The following NDST3 variants were observed in gnomAD, a reference collection of about 807,000 sequenced individuals.
The protein encoded by NDST3 is bifunctional heparan sulfate N-deacetylase/N-sulfotransferase 3.
A neutral mutation model predicts 96.1 loss-of-function variants in NDST3; 58 were observed. That is an observed-to-expected ratio of 0.60 (90% CI 0.49 to 0.75). The LOEUF is 0.75. Ranked by LOEUF, NDST3 falls within the 30% of genes least tolerant of loss-of-function variation. The pLI is 0.00. For synonymous variants in NDST3, 333 were observed against 359.7 expected, an observed-to-expected ratio of 0.93 and a Z score of 0.84; for missense variants, 788 against 1,034.2, an observed-to-expected ratio of 0.76 and a Z score of 3.27.
chr4:118,048,357 G>T (rs1349146016), intron 1 of NDST3, among the ~76,000 whole-genome samples: 4 of 151,834 alleles, frequency 2.6e-5, no homozygotes, highest in Admixed American at 6.6e-5. Flanking sequence ...ATGATGACAG[G>T]ACCAAAATCT....
At chr4:118,233,645 C>T (rs1031010593) in intron 9 of NDST3, among the ~76,000 whole-genome samples, 2 of 152,070 alleles carry the variant, frequency 1.3e-5, no homozygotes, top group African/African-American at 4.8e-5. Flanking sequence ...TTAATTCTTG[C>T]CTTTGAATCA....
intron 7 of NDST3, 100 bp from the exon 8 acceptor site, chr4:118,226,786 G>A (rs955569602): frequency 4.7e-5 from 37 of 787,904 alleles, no homozygotes; most frequent in African/African-American, 3.7e-4. Context: ...TTATCCCAGC[G>A]TTTCCTGGTA....
chr4:118,134,028 C>G (rs2125893532), intron 4 of NDST3, among the ~76,000 whole-genome samples: 1 of 152,330 alleles, frequency 6.6e-6, no homozygotes, highest in East Asian at 1.9e-4. Flanking sequence ...AGGAAAGCTA[C>G]TAAGAGAAGT....
At position 118,143,658 on chromosome 4, in the gene NDST3, C is replaced by G; in HGVS notation, c.1513C>G (p.Leu505Val). ...ELDKSIQGGE[L>V]FFTVVLNPIS... The stretch of plus-strand genomic sequence containing the variant: ...GGATAAGAGTATCCAAGGAGGAGAA[C>G]TTTTCTTCACTGTCGTCCTCAACCC... Residue 505 changes from leucine (L) to valine (V), a missense_variant, in exon 6 of 14, where the codon CTT (leucine) becomes GTT (valine). Coordinates refer to ENST00000296499, the MANE Select transcript of NDST3 (RefSeq NM_004784.3). The G allele has an allele frequency of 6.2e-7, 1 of 1,604,042 alleles. No homozygotes were observed. The highest frequency in any genetic ancestry group is 2.2e-5 in the East Asian group (1 of 44,642).
intron 4 of NDST3, among the ~76,000 whole-genome samples, chr4:118,135,381 C>T (rs1732991346): frequency 6.6e-6 from 1 of 151,940 alleles, no homozygotes; most frequent in African/African-American, 2.4e-5. Flanking sequence ...AATAAGTGGC[C>T]CAGTAGTTTC....
At chr4:118,217,157 G>A (rs1211769269) in intron 6 of NDST3, among the ~76,000 whole-genome samples, 3 of 152,198 alleles carry the variant, frequency 2.0e-5, no homozygotes, top group African/African-American at 7.2e-5. Context: ...AGCAAAGTGA[G>A]GCAGCGTATT....
chr4:118,180,462 T>C (rs1736539621), intron 6 of NDST3, among the ~76,000 whole-genome samples: 1 of 152,206 alleles, frequency 6.6e-6, no homozygotes, highest in Admixed American at 6.6e-5. Flanking sequence ...CTGTGTAATA[T>C]TCTGTGGTGT....
chr4:118,050,063 G>A (rs147666624), intron 1 of NDST3, among the ~76,000 whole-genome samples: 7 of 152,180 alleles, frequency 4.6e-5, no homozygotes, highest in East Asian at 3.9e-4. Flanking sequence ...TTTCTAGGAC[G>A]CAAGGCTATT....
chr4:118,217,374 G>A (rs926658666), intron 6 of NDST3, among the ~76,000 whole-genome samples: 7 of 152,092 alleles, frequency 4.6e-5, no homozygotes, highest in Admixed American at 2.6e-4. Context: ...AGGCACTTAT[G>A]AGAGGGCCCG....
intron 1 of NDST3, among the ~76,000 whole-genome samples, chr4:118,046,711 C>G (rs892210419): frequency 6.6e-6 from 1 of 152,168 alleles, no homozygotes; most frequent in African/African-American, 2.4e-5. Flanking sequence ...TGCCCGAGGG[C>G]TGCAGCAGCC....
chr4:118,038,865 G>T (rs1484536564), intron 1 of NDST3, among the ~76,000 whole-genome samples: 1 of 152,084 alleles, frequency 6.6e-6, no homozygotes, highest in African/African-American at 2.4e-5. Flanking sequence ...ACTTTAACAT[G>T]ATTCTATTTC....
chr4:118,055,873 G>A (rs931680972), intron 2 of NDST3, among the ~76,000 whole-genome samples: 5 of 151,738 alleles, frequency 3.3e-5, no homozygotes, highest in Admixed American at 2.6e-4. Flanking sequence ...TAATAGTAAT[G>A]TTCATCACAC....
intron 1 of NDST3, among the ~76,000 whole-genome samples, chr4:118,044,140 T>C (rs1289224859): frequency 6.6e-6 from 1 of 152,186 alleles, no homozygotes. Flanking sequence ...TGTAAAATGC[T>C]GCTATCTAAA....
chr4:118,236,986 T>C, intron 9 of NDST3, 60 bp from the exon 10 acceptor site: 2 of 1,287,888 alleles, frequency 1.6e-6, no homozygotes, highest in Middle Eastern at 2.0e-4. Flanking sequence ...TTTAACATCT[T>C]TGGTCACCAG....
At chr4:118,083,656 T>C (rs1728192973) in intron 2 of NDST3, among the ~76,000 whole-genome samples, 1 of 152,198 alleles carries the variant, frequency 6.6e-6, no homozygotes, top group East Asian at 1.9e-4. Flanking sequence ...AGTAATATTC[T>C]TGAAGACTTA....
chr4:118,174,905 T>A (rs1736179294), intron 6 of NDST3, among the ~76,000 whole-genome samples: 1 of 152,140 alleles, frequency 6.6e-6, no homozygotes, highest in African/African-American at 2.4e-5. Flanking sequence ...TATAATTTTG[T>A]CATTTCTTTT....
chr4:118,139,336 A>G (rs965308670), intron 5 of NDST3, among the ~76,000 whole-genome samples: 4 of 152,240 alleles, frequency 2.6e-5, no homozygotes, highest in African/African-American at 7.2e-5. Context: ...TTATAAATGC[A>G]TGAATCATGC....
chr4:118,227,002 T>C lies in NDST3; in HGVS notation c.1819+20T>C, dbSNP rs1265251781. ...AAACTGGTGAGAACTTTTTATGTTA[T>C]GATTAACGAGTGTAAATTTTCTGAT... On this transcript the variant is annotated intron_variant, in intron 8 of 13. Transcript: ENST00000296499. 9 of 1,530,694 alleles carry C rather than the reference T, an allele frequency of 5.9e-6. No individual in the cohort carries two copies. The African/African-American group carries it at 1.2e-4, about 21-fold the overall frequency. 94.8% of individuals were successfully genotyped at this position (1,530,694 alleles called of 1,614,324 possible).
chr4:118,194,256 C>G, intron 6 of NDST3: 1 of 718,060 alleles, frequency 1.4e-6, no homozygotes, highest in Non-Finnish European at 2.6e-6. Flanking sequence ...ATGATAGCAC[C>G]CTCATTGGGC....
Sources: gnomAD v4.1 joint callset for allele counts (sites outside exome capture counted in the v4.1 genomes callset) on GRCh38, gnomAD v4.1.1 for gene constraint, MANE v1.5 for transcripts, NCBI Gene and HGNC (gene_info 2026-07-23, HGNC 2026-07-21) for gene names.